Variants in SYNDIG1 observed in about 807,000 individuals in gnomAD.
SYNDIG1 encodes the protein synapse differentiation-inducing gene protein 1.
SYNDIG1 carries 9 observed loss-of-function variants against 19.4 expected under a neutral mutation model. The observed-to-expected ratio is 0.46, with a 90% confidence interval of 0.28 to 0.81. SYNDIG1 has a LOEUF of 0.81. Ranked by LOEUF, SYNDIG1 falls within the 30% of genes least tolerant of loss-of-function variation. The probability of loss-of-function intolerance (pLI) is 0.12; values close to 1 mark genes in which losing one functional copy is unlikely to be tolerated. For synonymous variants in SYNDIG1, 141 were observed against 145.9 expected (o/e 0.97, Z 0.24); for missense variants, 311 against 343.3 (o/e 0.91, Z 0.74).
At chr20:24,475,375 A>G (rs1421126341) in intron 1 of SYNDIG1, among the ~76,000 whole-genome samples, 2 of 152,240 alleles carry the variant, frequency 1.3e-5, no homozygotes, top group East Asian at 1.9e-4. Flanking sequence ...AAGAAAGCCT[A>G]TGTGTTTCTG....
chr20:24,506,932 T>C (rs1471069809), intron 1 of SYNDIG1, among the ~76,000 whole-genome samples: 1 of 152,158 alleles, frequency 6.6e-6, no homozygotes, highest in African/African-American at 2.4e-5. Context: ...GAGGGGATTC[T>C]AGAATAAAGG....
chr20:24,504,867 G>A (rs1402345302), intron 1 of SYNDIG1, among the ~76,000 whole-genome samples: 1 of 152,206 alleles, frequency 6.6e-6, no homozygotes, highest in Non-Finnish European at 1.5e-5. Flanking sequence ...TTCCCCATCT[G>A]AAAGACCCTG....
In SYNDIG1 at chr20:24,662,455, A is replaced by G. The variant is rs568716883; in HGVS notation, c.619-2891A>G. On this transcript the variant is annotated intron_variant, in intron 3 of 3. Coordinates refer to ENST00000376862, the MANE Select transcript of SYNDIG1 (RefSeq NM_024893.3). Reference sequence around the variant, plus strand: ...TGCCTGGTGGGTTTCAGGTTGCAGGACATCTCCCTTGGGGGCTACGTCTGA... The same window carrying G: ...TGCCTGGTGGGTTTCAGGTTGCAGGGCATCTCCCTTGGGGGCTACGTCTGA... Among the ~76,000 whole-genome samples the G allele has an allele frequency of 1.4e-4, 22 of 152,210 alleles. No homozygotes were observed. In the South Asian group the frequency reaches 3.9e-3, roughly 27 times the overall value.
rs903284891 is a variant in SYNDIG1 at position 24,514,664 on chromosome 20, G to A, written c.-78-28356G>A. 4.6e-5 allele frequency among the ~76,000 whole-genome samples: 7 copies of A among 152,216 alleles called. No homozygotes were observed. In the East Asian group the frequency reaches 7.7e-4, roughly 17 times the overall value. The stretch of plus-strand genomic sequence containing the variant: ...CCTACAAAGAGACTTAGACTCCCAT[G>A]CATTAATAATGGGAGACTTTAACAC... On this transcript the variant is annotated intron_variant, in intron 1 of 3. Coordinates refer to ENST00000376862, the MANE Select transcript of SYNDIG1 (RefSeq NM_024893.3).
intron 1 of SYNDIG1, among the ~76,000 whole-genome samples, chr20:24,539,861 C>A (rs1221415304): frequency 6.6e-6 from 1 of 152,184 alleles, no homozygotes; most frequent in African/African-American, 2.4e-5. Context: ...TCACTGCAAC[C>A]TCTGCCTCCT....
At chr20:24,482,983 G>T (rs1305973865) in intron 1 of SYNDIG1, among the ~76,000 whole-genome samples, 2 of 152,150 alleles carry the variant, frequency 1.3e-5, no homozygotes, top group Admixed American at 6.5e-5. Flanking sequence ...CTATGCATTG[G>T]TATGATTTGA....
At chr20:24,564,848 G>T (rs1354456242) in intron 2 of SYNDIG1, among the ~76,000 whole-genome samples, 1 of 152,224 alleles carries the variant, frequency 6.6e-6, no homozygotes, top group Non-Finnish European at 1.5e-5. Context: ...AGCTGCTGCT[G>T]TGCTGTCCTG....
intron 3 of SYNDIG1, among the ~76,000 whole-genome samples, chr20:24,656,363 AT>A (rs1158520179): frequency 6.6e-6 from 1 of 152,230 alleles, no homozygotes; most frequent in Non-Finnish European, 1.5e-5. Flanking sequence ...TCTAGCCGTA[AT>A]TCTGATTTAA....
chr20:24,611,532 C>T (rs1001991479), intron 3 of SYNDIG1, among the ~76,000 whole-genome samples: 1 of 152,080 alleles, frequency 6.6e-6, no homozygotes, highest in Non-Finnish European at 1.5e-5. Flanking sequence ...ATCCTCCCCA[C>T]GGGGTCTCGG....
intron 3 of SYNDIG1, among the ~76,000 whole-genome samples, chr20:24,591,347 T>G (rs2058509398): frequency 6.6e-6 from 1 of 151,956 alleles, no homozygotes; most frequent in Non-Finnish European, 1.5e-5. Flanking sequence ...TGATCTATGA[T>G]CCCACCACTG....
intron 3 of SYNDIG1, among the ~76,000 whole-genome samples, chr20:24,611,703 CA>C (rs1320268221): frequency 1.3e-5 from 2 of 152,182 alleles, no homozygotes; most frequent in African/African-American, 4.8e-5. Context: ...CCACTTCTTC[CA>C]CAGGAAATGG....
intron 3 of SYNDIG1, among the ~76,000 whole-genome samples, chr20:24,597,513 C>T (rs957768718): frequency 1.6e-4 from 24 of 151,984 alleles, no homozygotes; most frequent in Non-Finnish European, 2.9e-4. Context: ...TGTGGTGGAT[C>T]GGGGCTGGAA....
At chr20:24,641,608 G>T (rs1352143547) in intron 3 of SYNDIG1, among the ~76,000 whole-genome samples, 1 of 152,156 alleles carries the variant, frequency 6.6e-6, no homozygotes, top group Non-Finnish European at 1.5e-5. Flanking sequence ...ATTTTAGGGA[G>T]AAAAATAAAA....
intron 2 of SYNDIG1, among the ~76,000 whole-genome samples, chr20:24,564,398 A>T: frequency 6.6e-6 from 1 of 152,188 alleles, no homozygotes. Flanking sequence ...AAATGATTTC[A>T]CAGTATTTCC....
At chr20:24,659,802 T>A (rs2059565990) in intron 3 of SYNDIG1, among the ~76,000 whole-genome samples, 1 of 152,248 alleles carries the variant, frequency 6.6e-6, no homozygotes, top group Non-Finnish European at 1.5e-5. Context: ...TTTCTCTGAC[T>A]TTTCTTCTCT....
intron 3 of SYNDIG1, among the ~76,000 whole-genome samples, chr20:24,630,649 G>A (rs1446847510): frequency 6.6e-6 from 1 of 152,204 alleles, no homozygotes; most frequent in Non-Finnish European, 1.5e-5. Context: ...CCCTTACGTG[G>A]CTGCAGCAAC....
rs547787892 is a variant in SYNDIG1, at chr20:24,557,337, G to A, written c.480+13760G>A. 5.1e-3 allele frequency among the ~76,000 whole-genome samples: 783 copies of A among 152,298 alleles called. 5 individuals carry two copies. The highest frequency in any genetic ancestry group is 0.015 in the South Asian group (70 of 4,822). ...GTCATTCTCCGTCCAGCTTTGTTCC[G>A]TTGCTGGTGAGGAACTGCGTTCCTT... On this transcript the variant is annotated intron_variant, in intron 2 of 3. Transcript: ENST00000376862.
At chr20:24,610,301 T>A (rs1445626007) in intron 3 of SYNDIG1, among the ~76,000 whole-genome samples, 1 of 152,230 alleles carries the variant, frequency 6.6e-6, no homozygotes, top group Admixed American at 6.5e-5. Flanking sequence ...ATGCTTTGCA[T>A]TCCTTTGGGA....
chr20:24,602,859 T>C (rs945331927), intron 3 of SYNDIG1, among the ~76,000 whole-genome samples: 1 of 152,240 alleles, frequency 6.6e-6, no homozygotes, highest in African/African-American at 2.4e-5. Context: ...AACAGAAATA[T>C]TTTTAACTAC....
Sources: gnomAD v4.1 joint callset for allele counts (sites outside exome capture counted in the v4.1 genomes callset) on GRCh38, gnomAD v4.1.1 for gene constraint, MANE v1.5 for transcripts, NCBI Gene and HGNC (gene_info 2026-07-23, HGNC 2026-07-21) for gene names.